The following ABCB4 variants were observed in gnomAD, a reference collection of about 807,000 sequenced individuals.
ABCB4 encodes phosphatidylcholine translocator ABCB4.
In ABCB4, 76 loss-of-function variants were observed where a neutral mutation model predicts 145.7. That is an observed-to-expected ratio of 0.52 (90% CI 0.43 to 0.63). The LOEUF is 0.63. Among genes scored for constraint, ABCB4 ranks in the 30% least tolerant of loss-of-function variants. ABCB4 has a pLI of 0.00. For synonymous variants in ABCB4, 517 were observed against 566.8 expected (o/e 0.91, Z 1.25); for missense variants, 1,234 against 1,553.1 (o/e 0.79, Z 3.45).
Position 87,413,608 on chromosome 7 carries a change from G to A in ABCB4, c.2783+9C>T. The A allele has an allele frequency of 6.5e-7, 1 of 1,543,470 alleles. No individual in the cohort carries two copies. The highest frequency in any genetic ancestry group is 8.9e-7 in the Non-Finnish European group (1 of 1,117,324). ...CTAGGTTCTTAGCAGGAATCATATG[G>A]TTCATTACCTGTAAGGTCCATACAA... On this transcript the variant is annotated intron_variant, in intron 22 of 27. Coordinates refer to ENST00000649586, the MANE Select transcript of ABCB4 (RefSeq NM_000443.4).
chr7:87,377,481 G>T, the ABCB4 span: 1 of 1,233,182 alleles, frequency 8.1e-7, no homozygotes, highest in South Asian at 1.2e-5. Flanking sequence ...TTTCTCTTTT[G>T]ATCTTTTAGG....
downstream of ABCB4, chr7:87,399,905 T>A (rs764628882): frequency 1.3e-5 from 2 of 151,512 alleles, no homozygotes; most frequent in Admixed American, 1.3e-4. Flanking sequence ...AGTTGATTGA[T>A]AACAGCTAGA....
intron 26 of ABCB4, among the ~76,000 whole-genome samples, chr7:87,404,190 G>A (rs45536638): frequency 6.6e-6 from 1 of 152,170 alleles, no homozygotes; most frequent in Non-Finnish European, 1.5e-5. Context: ...TTATTTGTGG[G>A]TGTGAGTGAT....
intron 9 of ABCB4, 132 bp from the exon 10 acceptor site, chr7:87,445,107 A>C (rs537324725): frequency 1.0e-5 from 7 of 676,778 alleles, no homozygotes; most frequent in South Asian, 1.8e-5. Context: ...TTTTTGTGGA[A>C]GAGCAACATT....
intron 9 of ABCB4, among the ~76,000 whole-genome samples, chr7:87,446,424 T>C (rs45479197): frequency 0.054 from 8,223 of 152,222 alleles, 769 homozygotes; most frequent in African/African-American, 0.18. Context: ...TGTATATATA[T>C]AGAAAATGAC....
the ABCB4 span, chr7:87,375,842 G>T: frequency 5.0e-6 from 8 of 1,613,348 alleles, no homozygotes; most frequent in African/African-American, 1.3e-5. Context: ...GAGAATATCT[G>T]ATTGGTCTTG....
At chr7:87,412,159 G>A in intron 22 of ABCB4, 126 bp from the exon 23 acceptor site, 1 of 948,210 alleles carries the variant, frequency 1.1e-6, no homozygotes, top group Non-Finnish European at 1.7e-6. Flanking sequence ...ATATTAGTTT[G>A]GGTAAATGAT....
the ABCB4 span, chr7:87,392,948 C>T: frequency 1.7e-5 from 27 of 1,613,382 alleles, no homozygotes; most frequent in East Asian, 4.5e-5. Context: ...TGCCACACAG[C>T]GGAGGAGGTG....
chr7:87,449,912 A>G, intron 8 of ABCB4, 56 bp downstream of exon 8: 10 of 1,613,728 alleles, frequency 6.2e-6, no homozygotes, highest in Non-Finnish European at 8.5e-6. Flanking sequence ...ACAAAGAAGA[A>G]GCAACAAAAT....
At position 87,472,655 on chromosome 7, in the gene ABCB4, G is replaced by T. The variant is rs142794414; in HGVS notation, c.101C>A (p.Thr34Lys). Reference sequence around the variant, plus strand: ...TACTCCAATCATTTTCACTGTCTTCGTTTTTTTCCTTTTTTGTTTGCTGTA... The same window carrying T: ...TACTCCAATCATTTTCACTGTCTTCTTTTTTTTCCTTTTTTGTTTGCTGTA... Reference protein sequence around the residue: ...GISSKQKRKKTKTVKMIGVLT... With the variant: ...GISSKQKRKKKKTVKMIGVLT... Residue 34 changes from threonine (T) to lysine (K), a missense_variant, in exon 3 of 28, where the codon ACG (threonine) becomes AAG (lysine). This residue lies in a region of ABCB4 where 77 missense variants were observed against 73.3 expected (regional missense o/e 1.05). Coordinates refer to ENST00000649586, the MANE Select transcript of ABCB4 (RefSeq NM_000443.4). 4 of 1,608,138 alleles carry T rather than the reference G, an allele frequency of 2.5e-6. No individual in the cohort carries two copies. The highest frequency in any genetic ancestry group is 8.5e-7 in the Non-Finnish European group (1 of 1,175,032).
At chr7:87,379,191 T>G in the ABCB4 span, among the ~76,000 whole-genome samples, 1 of 152,184 alleles carries the variant, frequency 6.6e-6, no homozygotes, top group East Asian at 1.9e-4. Flanking sequence ...GGTTACCCTC[T>G]GCATACATAT....
the ABCB4 span, chr7:87,369,737 A>G: frequency 5.7e-6 from 1 of 175,384 alleles, no homozygotes; most frequent in South Asian, 1.5e-4. Flanking sequence ...CTGCCCCAGA[A>G]TTAATCACTC....
Position 87,401,956 on chromosome 7 carries a change from C to G in ABCB4, c.*140G>C. Reference sequence around the variant, plus strand: ...AAATTTCAAATGCCGTAATAAACCCCAAATTGGGTCTTCTAAATTGATCTA... The same window carrying G: ...AAATTTCAAATGCCGTAATAAACCCGAAATTGGGTCTTCTAAATTGATCTA... On this transcript the variant is annotated 3_prime_UTR_variant, in exon 28 of 28. Coordinates refer to ENST00000649586, the MANE Select transcript of ABCB4 (RefSeq NM_000443.4). 2.5e-6 allele frequency: 3 copies of G among 1,198,712 alleles called. No individual in the cohort carries two copies. The highest frequency in any genetic ancestry group is 3.6e-6 in the Non-Finnish European group (3 of 833,852). The allele number at this position is 1,198,712 out of a possible 1,614,324, so 74.3% of individuals were successfully genotyped here. A position where few individuals can be genotyped will look rare whatever the true frequency, so the allele number is the denominator to read the frequency against.
chr7:87,471,691 A>G (rs1019027092), intron 3 of ABCB4, among the ~76,000 whole-genome samples: 1 of 152,226 alleles, frequency 6.6e-6, no homozygotes, highest in Non-Finnish European at 1.5e-5. Context: ...GAAACACGTC[A>G]TATTTACCAA....
rs564923766 is a variant in ABCB4 at position 87,433,009 on chromosome 7, A to G, written c.1732-1444T>C. 5.6e-4 allele frequency among the ~76,000 whole-genome samples: 86 copies of G among 152,352 alleles called. 1 individual carries two copies. Among genetic ancestry groups the G allele is most frequent in the African/African-American group, 2.0e-3 (83 of 41,588 alleles). Reference sequence around the variant, plus strand: ...AAAATAGTAAAACCTAGGAAAAACCAGCACGTGAATGGGTAATTTGATCAA... The same window carrying G: ...AAAATAGTAAAACCTAGGAAAAACCGGCACGTGAATGGGTAATTTGATCAA... On this transcript the variant is annotated intron_variant, in intron 14 of 27. Transcript: ENST00000649586.
the ABCB4 span, among the ~76,000 whole-genome samples, chr7:87,385,232 A>C: frequency 2.0e-5 from 3 of 151,656 alleles, no homozygotes; most frequent in African/African-American, 7.3e-5. Context: ...TTTGTGAAGA[A>C]TATTGTTGGT....
chr7:87,437,921 T>C (rs892582349), intron 14 of ABCB4, among the ~76,000 whole-genome samples: 1 of 152,212 alleles, frequency 6.6e-6, no homozygotes, highest in Non-Finnish European at 1.5e-5. Flanking sequence ...GCTATGATCC[T>C]ATAGAACACG....
intron 9 of ABCB4, among the ~76,000 whole-genome samples, chr7:87,446,599 C>G (rs1811359474): frequency 6.6e-6 from 1 of 152,064 alleles, no homozygotes; most frequent in South Asian, 2.1e-4. Flanking sequence ...TAAAAACAAA[C>G]TAACATAACA....
At chr7:87,412,657 G>A (rs1808707654) in intron 22 of ABCB4, among the ~76,000 whole-genome samples, 1 of 152,196 alleles carries the variant, frequency 6.6e-6, no homozygotes, top group Non-Finnish European at 1.5e-5. Flanking sequence ...TCTCAAATAT[G>A]AGGGTGTTTT....
Sources: allele counts gnomAD v4.1 joint callset (sites outside exome capture counted in the v4.1 genomes callset), GRCh38; gene constraint gnomAD v4.1.1; regional missense constraint gnomAD v4.1.1; transcripts MANE v1.5; gene names NCBI Gene and HGNC (gene_info 2026-07-23, HGNC 2026-07-21).